Variants in OR6C75 observed in about 807,000 individuals in gnomAD.
OR6C75 encodes olfactory receptor 6C75.
For synonymous variants in OR6C75, 149 were observed against 130.6 expected (o/e 1.14, Z -0.96); for missense variants, 380 against 368.0 (o/e 1.03, Z -0.27).
rs1013405522 is a variant in OR6C75, at chr12:55,364,917, C to A, written c.-194C>A. 1.4e-5 allele frequency: 8 copies of A among 569,354 alleles called. No homozygotes were observed. The highest frequency in any genetic ancestry group is 2.5e-5 in the Non-Finnish European group (8 of 326,406). The allele number at this position is 569,354 out of a possible 1,614,324, so 35.3% of individuals were successfully genotyped here. A position where few individuals can be genotyped will look rare whatever the true frequency, so the allele number is the denominator to read the frequency against. On this transcript the variant is annotated 5_prime_UTR_variant, in exon 3 of 3. Transcript: ENST00000641576. The stretch of plus-strand genomic sequence containing the variant: ...ATAGCTAGACACAATGGAATGTTAT[C>A]CAGCCTCATAAAAGAAGGAGATACT...
In OR6C75 at chr12:55,368,741, T is replaced by G. The variant is rs143814024; in HGVS notation, c.*2692T>G. The G allele has an allele frequency of 5.3e-5, 8 of 152,342 alleles. No homozygotes were observed. The East Asian group carries it at 1.5e-3, about 29-fold the overall frequency. The allele number at this position is 152,342 out of a possible 1,614,324, so 9.4% of individuals were successfully genotyped here. A position where few individuals can be genotyped will look rare whatever the true frequency, so the allele number is the denominator to read the frequency against. ...TTTGATTCCTTGATTTTCAGCTTTGTCTGATATACAGGTGAATGTAAAGAG... is the reference window on the plus strand; with the variant it reads ...TTTGATTCCTTGATTTTCAGCTTTGGCTGATATACAGGTGAATGTAAAGAG... On this transcript the variant is annotated 3_prime_UTR_variant, in exon 3 of 3. Coordinates refer to ENST00000641576, the MANE Select transcript of OR6C75 (RefSeq NM_001005497.2).
intron 1 of OR6C75, 88 bp downstream of exon 1, chr12:55,363,137 T>G (rs1324435771): frequency 6.6e-6 from 1 of 152,170 alleles, no homozygotes; most frequent in Non-Finnish European, 1.5e-5. Flanking sequence ...GTAAACGTTA[T>G]AGAGAAGCTC....
Position 55,366,161 on chromosome 12 carries a change from T to A in OR6C75, c.*112T>A. 1.6e-6 allele frequency: 1 copy of A among 629,226 alleles called. No homozygotes were observed. The highest frequency in any genetic ancestry group is 2.7e-6 in the Non-Finnish European group (1 of 373,568). 39.0% of individuals were successfully genotyped at this position (629,226 alleles called of 1,614,324 possible). A position where few individuals can be genotyped will look rare whatever the true frequency, so the allele number is the denominator to read the frequency against. On this transcript the variant is annotated 3_prime_UTR_variant, in exon 3 of 3. Coordinates refer to ENST00000641576, the MANE Select transcript of OR6C75 (RefSeq NM_001005497.2). The stretch of plus-strand genomic sequence containing the variant: ...CTTATTTCACACTTTTAGTTAGACA[T>A]AGTTACATATCATCAACACTTCTTA...
chr12:55,365,043 C>A lies in OR6C75; in HGVS notation c.-68C>A. 1 of 1,038,184 alleles carries A rather than the reference C, an allele frequency of 9.6e-7. No homozygotes were observed. Among genetic ancestry groups the A allele is most frequent in the South Asian group, 1.4e-5 (1 of 69,762 alleles). The allele number at this position is 1,038,184 out of a possible 1,614,324, so 64.3% of individuals were successfully genotyped here. A position where few individuals can be genotyped will look rare whatever the true frequency, so the allele number is the denominator to read the frequency against. ...AAATAATAATTTTCTTTACTGGTGT[C>A]ATAGTTTTCTGGTTTCTTCACCTAT... On this transcript the variant is annotated 5_prime_UTR_variant, in exon 3 of 3. Coordinates refer to ENST00000641576, the MANE Select transcript of OR6C75 (RefSeq NM_001005497.2).
At chr12:55,364,002 G>C (rs1366635813) in intron 2 of OR6C75, 120 bp downstream of exon 2, 3 of 144,602 alleles carry the variant, frequency 2.1e-5, no homozygotes, top group Non-Finnish European at 3.0e-5. Context: ...TTTCCGAGAC[G>C]GAGTCTGCAT....
rs1050693862 is a variant in OR6C75, at chr12:55,366,929, A to G, written c.*880A>G. 1.3e-5 allele frequency: 2 copies of G among 152,200 alleles called. No homozygotes were observed. Among genetic ancestry groups the G allele is most frequent in the Non-Finnish European group, 2.9e-5 (2 of 68,026 alleles). The allele number at this position is 152,200 out of a possible 1,614,324, so 9.4% of individuals were successfully genotyped here. On this transcript the variant is annotated 3_prime_UTR_variant, in exon 3 of 3. Transcript: ENST00000641576. ...ACCATGATCTATGAAGGCAATTCAT[A>G]TTTGTGTTCAGATTCCTTATATTGA...
At position 55,365,854 on chromosome 12, in the gene OR6C75, C is replaced by G. The variant is rs568806245; in HGVS notation, c.744C>G (p.Ile248Met). The change falls in exon 3 of 3, where the codon ATC becomes ATG. Residue 248 changes from isoleucine to methionine, a missense_variant. Physicochemically the swap from Ile to Met is conservative, Grantham distance 10. Transcript: ENST00000641576. The stretch of plus-strand genomic sequence containing the variant: ...CCTCCCATATGATAGTTGTCTCCAT[C>G]TCTTACAGTAGCTGTATCTTCATGT... ...TCSSHMIVVSISYSSCIFMYI... is the reference protein window; with the variant it reads ...TCSSHMIVVSMSYSSCIFMYI... 9.3e-6 allele frequency: 15 copies of G among 1,613,758 alleles called. No homozygotes were observed. Among genetic ancestry groups the G allele is most frequent in the Admixed American group, 5.0e-5 (3 of 59,980 alleles).
rs1422899570 is a variant in OR6C75 at position 55,368,315 on chromosome 12, TTAAAAA to T, written c.*2273_*2278del. ...CAGCATAGCAAGACCCTATCTCTAC[TTAAAAA>T]TAAAAAAACAAGATGCCTGTAATTC... On this transcript the variant is annotated 3_prime_UTR_variant, in exon 3 of 3. Transcript: ENST00000641576. 7.2e-5 allele frequency: 11 copies of T among 152,160 alleles called. No individual in the cohort carries two copies. Among genetic ancestry groups the T allele is most frequent in the African/African-American group, 2.7e-4 (11 of 41,472 alleles). The allele number at this position is 152,160 out of a possible 1,614,324, so 9.4% of individuals were successfully genotyped here. A position where few individuals can be genotyped will look rare whatever the true frequency, so the allele number is the denominator to read the frequency against.
chr12:55,368,961 T>C lies in OR6C75; in HGVS notation c.*2912T>C, dbSNP rs765858757. Reference sequence around the variant, plus strand: ...TGATTATTTCATTATGAATTCTTTATTGTGGCAATTTGTAAAGAAATGAGA... The same window carrying C: ...TGATTATTTCATTATGAATTCTTTACTGTGGCAATTTGTAAAGAAATGAGA... On this transcript the variant is annotated 3_prime_UTR_variant, in exon 3 of 3. Coordinates refer to ENST00000641576, the MANE Select transcript of OR6C75 (RefSeq NM_001005497.2). The C allele has an allele frequency of 4.6e-5, 7 of 152,170 alleles. No individual in the cohort carries two copies. The highest frequency in any genetic ancestry group is 7.4e-5 in the Non-Finnish European group (5 of 68,006). 9.4% of individuals were successfully genotyped at this position (152,170 alleles called of 1,614,324 possible). A position where few individuals can be genotyped will look rare whatever the true frequency, so the allele number is the denominator to read the frequency against.
At position 55,367,020 on chromosome 12, in the gene OR6C75, T is replaced by C. The variant is rs1869820586; in HGVS notation, c.*971T>C. The stretch of plus-strand genomic sequence containing the variant: ...AAAGTAAGAGTCTACAATGGTGTGA[T>C]ACTGCCCTTTTATAAGGTATTCGGC... On this transcript the variant is annotated 3_prime_UTR_variant, in exon 3 of 3. Coordinates refer to ENST00000641576, the MANE Select transcript of OR6C75 (RefSeq NM_001005497.2). 6.6e-6 allele frequency: 1 copy of C among 152,210 alleles called. No individual in the cohort carries two copies. Among genetic ancestry groups the C allele is most frequent in the South Asian group, 2.1e-4 (1 of 4,832 alleles). The allele number at this position is 152,210 out of a possible 1,614,324, so 9.4% of individuals were successfully genotyped here.
In OR6C75 at chr12:55,365,280, T is replaced by C. The variant is rs887130584; in HGVS notation, c.170T>C (p.Met57Thr). The change falls in exon 3 of 3, where the codon ATG (methionine) becomes ACG (threonine). Residue 57 changes from methionine to threonine, a missense_variant. Met to Thr is a moderately conservative substitution (Grantham distance 81). Transcript: ENST00000641576. ...TLSDPHLQTP[M>T]YFFLRNFSFL... Reference sequence around the variant, plus strand: ...TCAGATCCCCATCTGCAGACTCCCATGTATTTCTTCCTTCGGAACTTCTCA... The same window carrying C: ...TCAGATCCCCATCTGCAGACTCCCACGTATTTCTTCCTTCGGAACTTCTCA... 12 of 1,613,846 alleles carry C rather than the reference T, an allele frequency of 7.4e-6. No individual in the cohort carries two copies. The highest frequency in any genetic ancestry group is 1.1e-5 in the South Asian group (1 of 91,028).
At position 55,368,691 on chromosome 12, in the gene OR6C75, T is replaced by G. The variant is rs1207581175; in HGVS notation, c.*2642T>G. 1 of 152,196 alleles carries G rather than the reference T, an allele frequency of 6.6e-6. No individual in the cohort carries two copies. The highest frequency in any genetic ancestry group is 1.5e-5 in the Non-Finnish European group (1 of 68,032). The allele number at this position is 152,196 out of a possible 1,614,324, so 9.4% of individuals were successfully genotyped here. ...TTGGGACAGTAGCTATGAATCTGAC[T>G]AGATACAGGATAAATGGATTTTAGT... is the stretch of plus-strand genomic sequence containing the variant. On this transcript the variant is annotated 3_prime_UTR_variant, in exon 3 of 3. Transcript: ENST00000641576.
chr12:55,368,599 G>T lies in OR6C75; in HGVS notation c.*2550G>T, dbSNP rs920607124. ...GGGCGATAGAGCGAAACTCTATCTC[G>T]ATAAAATAAAACAAAATAAAAAAGT... is the stretch of plus-strand genomic sequence containing the variant. On this transcript the variant is annotated 3_prime_UTR_variant, in exon 3 of 3. Coordinates refer to ENST00000641576, the MANE Select transcript of OR6C75 (RefSeq NM_001005497.2). 2.6e-5 allele frequency: 4 copies of T among 151,982 alleles called. No individual in the cohort carries two copies. The highest frequency in any genetic ancestry group is 9.7e-5 in the African/African-American group (4 of 41,394). The allele number at this position is 151,982 out of a possible 1,614,324, so 9.4% of individuals were successfully genotyped here. A position where few individuals can be genotyped will look rare whatever the true frequency, so the allele number is the denominator to read the frequency against.
intron 2 of OR6C75, among the ~76,000 whole-genome samples, 182 bp downstream of exon 2, chr12:55,364,064 C>G (rs1281431268): frequency 6.6e-6 from 1 of 150,568 alleles, no homozygotes; most frequent in Non-Finnish European, 1.5e-5. Context: ...CTGCAACCTC[C>G]GCCTCCTGGG....
Position 55,369,070 on chromosome 12 carries a change from A to G in OR6C75, c.*3021A>G, listed in dbSNP as rs1420473046. 1 of 152,040 alleles carries G rather than the reference A, an allele frequency of 6.6e-6. No homozygotes were observed. The highest frequency in any genetic ancestry group is 2.4e-5 in the African/African-American group (1 of 41,434). 9.4% of individuals were successfully genotyped at this position (152,040 alleles called of 1,614,324 possible). A position where few individuals can be genotyped will look rare whatever the true frequency, so the allele number is the denominator to read the frequency against. On this transcript the variant is annotated 3_prime_UTR_variant, in exon 3 of 3. Coordinates refer to ENST00000641576, the MANE Select transcript of OR6C75 (RefSeq NM_001005497.2). ...ATCAGGAGTGTGGAAACAACATGCA[A>G]ACGTTAACTAAGTGAAGATAAAGTA...
chr12:55,363,379 CAGTT>C (rs963101431), intron 1 of OR6C75, among the ~76,000 whole-genome samples: 1 of 151,880 alleles, frequency 6.6e-6, no homozygotes, highest in Admixed American at 6.6e-5. Flanking sequence ...TATATAAATT[CAGTT>C]ATTCACATTA....
At position 55,364,890 on chromosome 12, in the gene OR6C75, G is replaced by T; in HGVS notation, c.-221G>T. 1.9e-6 allele frequency: 1 copy of T among 519,638 alleles called. No homozygotes were observed. The highest frequency in any genetic ancestry group is 2.8e-5 in the South Asian group (1 of 35,306). 32.2% of individuals were successfully genotyped at this position (519,638 alleles called of 1,614,324 possible). On this transcript the variant is annotated 5_prime_UTR_variant, in exon 3 of 3. Transcript: ENST00000641576. ...GTATTAAATAGATAGATGCATCAGC[G>T]GATAGCTAGACACAATGGAATGTTA...
chr12:55,365,772 G>A lies in OR6C75; in HGVS notation c.662G>A (p.Arg221Gln), dbSNP rs541119837. The change falls in exon 3 of 3, where the codon CGG (arginine) becomes CAG (glutamine). Residue 221 changes from arginine (R) to glutamine (Q), a missense_variant. By Grantham distance (43) the Arg-to-Gln change is conservative. Coordinates refer to ENST00000641576, the MANE Select transcript of OR6C75 (RefSeq NM_001005497.2). ...ATTCTCTCCTACACAAACATCATCC[G>A]GACAATTCTGAAAATTCCTTCTATG... ...LVILSYTNII[R>Q]TILKIPSMSQ... is the part of the protein sequence containing the mutation. 2.6e-5 allele frequency: 42 copies of A among 1,613,750 alleles called. No individual in the cohort carries two copies. Among genetic ancestry groups the A allele is most frequent in the African/African-American group, 1.2e-4 (9 of 74,928 alleles).
rs1869817093 is a variant in OR6C75, at chr12:55,366,842, T to C, written c.*793T>C. The C allele has an allele frequency of 1.3e-5, 2 of 152,296 alleles. No individual in the cohort carries two copies. The highest frequency in any genetic ancestry group is 1.9e-4 in the East Asian group (1 of 5,178). 9.4% of individuals were successfully genotyped at this position (152,296 alleles called of 1,614,324 possible). On this transcript the variant is annotated 3_prime_UTR_variant, in exon 3 of 3. Coordinates refer to ENST00000641576, the MANE Select transcript of OR6C75 (RefSeq NM_001005497.2). The stretch of plus-strand genomic sequence containing the variant: ...TCTTATATTTTCCTTTGATAATATT[T>C]CCTTAAAAATAGATTATTTAACAGA...
Sources: allele counts gnomAD v4.1 joint callset (sites outside exome capture counted in the v4.1 genomes callset), GRCh38; gene constraint gnomAD v4.1.1; transcripts MANE v1.5; gene names NCBI Gene and HGNC (gene_info 2026-07-23, HGNC 2026-07-21).